Variants in CCBE1 observed in about 807,000 individuals in gnomAD.
The protein encoded by CCBE1 is collagen and calcium binding EGF domains 1.
CCBE1 carries 37 observed loss-of-function variants against 50.0 expected under a neutral mutation model. The ratio of observed to expected loss-of-function variants is 0.74; its 90% CI spans 0.57 to 0.97. The LOEUF is 0.97. Among genes scored for constraint, CCBE1 ranks in the 50% least tolerant of loss-of-function variants. The pLI is 0.00. For missense variants in CCBE1, 538 were observed against 523.8 expected, an observed-to-expected ratio of 1.03 and a Z score of -0.26; for synonymous variants, 234 against 203.7, an observed-to-expected ratio of 1.15 and a Z score of -1.27.
rs114541309 is a variant in CCBE1, at chr18:59,492,901, T to C, written c.213-12663A>G. 3.5e-3 allele frequency among the ~76,000 whole-genome samples: 538 copies of C among 152,312 alleles called. 9 individuals carry two copies. Among genetic ancestry groups the C allele is most frequent in the African/African-American group, 0.012 (500 of 41,572 alleles). The stretch of plus-strand genomic sequence containing the variant: ...AGAATGCTGACCCTTGAAGTGTAAA[T>C]GTCTAGAGCCTTCCTTGTAAATTAC... On this transcript the variant is annotated intron_variant, in intron 2 of 10. Transcript: ENST00000439986.
At chr18:59,522,180 A>G (rs901634156) in intron 2 of CCBE1, among the ~76,000 whole-genome samples, 22 of 151,818 alleles carry the variant, frequency 1.4e-4, no homozygotes, top group African/African-American at 3.1e-4. Context: ...AATACATACA[A>G]TCCTTTAGTG....
intron 3 of CCBE1, among the ~76,000 whole-genome samples, 172 bp from the exon 4 acceptor site, chr18:59,469,779 G>C (rs1470368370): frequency 2.6e-5 from 4 of 152,196 alleles, no homozygotes; most frequent in African/African-American, 9.7e-5. Flanking sequence ...CCTTCTAAGA[G>C]TACTGCAATG....
intron 2 of CCBE1, among the ~76,000 whole-genome samples, chr18:59,626,744 C>G (rs1024101803): frequency 6.6e-6 from 1 of 152,252 alleles, no homozygotes; most frequent in Admixed American, 6.5e-5. Context: ...ATCTACTATG[C>G]TATGCCACCT....
In CCBE1 at chr18:59,466,887, A is replaced by G. The variant is rs1218499179; in HGVS notation, c.405T>C (p.Ile135=). 6.2e-7 allele frequency: 1 copy of G among 1,612,564 alleles called. No individual in the cohort carries two copies. The highest frequency in any genetic ancestry group is 1.7e-4 in the Middle Eastern group (1 of 5,718). The change falls in exon 5 of 11, where the codon ATT becomes ATC. Residue 135 remains isoleucine, a synonymous_variant. Transcript: ENST00000439986. ...TCCCATTGCTGCTGGCACACTCATCAATATCTGGTTTGAACCAAATGTAGA... is the reference window on the plus strand; with the variant it reads ...TCCCATTGCTGCTGGCACACTCATCGATATCTGGTTTGAACCAAATGTAGA... ...RKREKPYCLD[I]DECASSNGTL...
At chr18:59,575,981 T>G (rs1418005071) in intron 2 of CCBE1, among the ~76,000 whole-genome samples, 2 of 152,248 alleles carry the variant, frequency 1.3e-5, no homozygotes, top group Non-Finnish European at 2.9e-5. Flanking sequence ...AGGCAAACAT[T>G]GATTGCTTTT....
At chr18:59,650,186 T>A (rs1266441749) in intron 2 of CCBE1, among the ~76,000 whole-genome samples, 2 of 151,864 alleles carry the variant, frequency 1.3e-5, no homozygotes, top group African/African-American at 4.8e-5. Flanking sequence ...ATTCTCAGAA[T>A]CATAAGAGGG....
intron 5 of CCBE1, among the ~76,000 whole-genome samples, chr18:59,456,872 A>G (rs146657927): frequency 1.8e-3 from 280 of 152,342 alleles, no homozygotes; most frequent in African/African-American, 6.5e-3. Context: ...CACCTTCAGC[A>G]CAGCAGCAGG....
Position 59,472,947 on chromosome 18 carries a change from T to G in CCBE1, c.266-3340A>C, listed in dbSNP as rs117925726. On this transcript the variant is annotated intron_variant, in intron 3 of 10. Transcript: ENST00000439986. ...CTCTCATTTATAAAACCATCAGATC[T>G]TGTGAGACTTACCACCATGAGAACA... is the stretch of plus-strand genomic sequence containing the variant. Among the ~76,000 whole-genome samples the G allele has an allele frequency of 3.7e-4, 57 of 152,282 alleles. 1 individual carries two copies. The East Asian group carries it at 9.8e-3, about 26-fold the overall frequency.
intron 2 of CCBE1, among the ~76,000 whole-genome samples, chr18:59,506,716 G>A (rs1234611671): frequency 1.3e-5 from 2 of 152,198 alleles, no homozygotes; most frequent in Non-Finnish European, 2.9e-5. Flanking sequence ...TACTGACATG[G>A]TGCACCCAGA....
intron 2 of CCBE1, among the ~76,000 whole-genome samples, chr18:59,613,109 T>G (rs2053594522): frequency 2.0e-5 from 3 of 151,994 alleles, no homozygotes; most frequent in Non-Finnish European, 4.4e-5. Context: ...AAAGTCCTGC[T>G]CTTATCGGAA....
intron 2 of CCBE1, among the ~76,000 whole-genome samples, chr18:59,633,087 G>A (rs1482632168): frequency 6.6e-6 from 1 of 152,154 alleles, no homozygotes; most frequent in Non-Finnish European, 1.5e-5. Context: ...CTCCTTCCCT[G>A]GGCACAGCTC....
intron 2 of CCBE1, among the ~76,000 whole-genome samples, chr18:59,598,231 G>C (rs919801525): frequency 1.3e-5 from 2 of 152,186 alleles, no homozygotes; most frequent in African/African-American, 2.4e-5. Flanking sequence ...AAAGCTTGAA[G>C]TAGTGGGGAC....
chr18:59,631,213 A>G (rs1243003191), intron 2 of CCBE1, among the ~76,000 whole-genome samples: 1 of 150,708 alleles, frequency 6.6e-6, no homozygotes, highest in African/African-American at 2.5e-5. Flanking sequence ...TATGATCTGG[A>G]GAAAAAAAAA....
chr18:59,530,593 A>G (rs1915009983), intron 2 of CCBE1, among the ~76,000 whole-genome samples: 2 of 152,194 alleles, frequency 1.3e-5, no homozygotes, highest in Admixed American at 6.5e-5. Context: ...CACTGATAAG[A>G]TATCTGCTCC....
At chr18:59,694,991 T>C (rs1281672136) in intron 2 of CCBE1, among the ~76,000 whole-genome samples, 4 of 152,130 alleles carry the variant, frequency 2.6e-5, no homozygotes, top group African/African-American at 7.2e-5. Context: ...GCTGCTAGTG[T>C]CTCCTGTTCA....
chr18:59,440,847 GAGTA>G (rs1031394908), intron 7 of CCBE1, among the ~76,000 whole-genome samples: 6 of 152,142 alleles, frequency 3.9e-5, no homozygotes, highest in South Asian at 2.1e-4. Context: ...CTCTAGCATG[GAGTA>G]AGTAATAGCA....
At chr18:59,455,922 A>T (rs1568148513) in intron 5 of CCBE1, among the ~76,000 whole-genome samples, 1 of 152,180 alleles carries the variant, frequency 6.6e-6, no homozygotes, top group Non-Finnish European at 1.5e-5. Context: ...AATAACCACG[A>T]CTATCTAGAA....
chr18:59,676,001 C>T (rs1024569441), intron 2 of CCBE1, among the ~76,000 whole-genome samples: 3 of 152,170 alleles, frequency 2.0e-5, no homozygotes, highest in Non-Finnish European at 2.9e-5. Context: ...CTTCATAGGC[C>T]ATCTCCAGAA....
chr18:59,482,101 T>G (rs1912598356), intron 2 of CCBE1, among the ~76,000 whole-genome samples: 1 of 152,208 alleles, frequency 6.6e-6, no homozygotes, highest in Non-Finnish European at 1.5e-5. Flanking sequence ...CCTGTGTCCA[T>G]GTGTTCTCAT....
Sources: allele counts gnomAD v4.1 joint callset (sites outside exome capture counted in the v4.1 genomes callset), GRCh38; gene constraint gnomAD v4.1.1; transcripts MANE v1.5; gene names NCBI Gene and HGNC (gene_info 2026-07-23, HGNC 2026-07-21).